THOC1: variants seen among roughly 807,000 people sequenced by gnomAD.
The protein encoded by THOC1 is THO complex 1.
A neutral mutation model predicts 97.3 loss-of-function variants in THOC1; 29 were observed. That is an observed-to-expected ratio of 0.30 (90% confidence interval 0.22 to 0.41). The LOEUF is 0.41. Among genes scored for constraint, THOC1 ranks in the 10% least tolerant of loss-of-function variants. The pLI is 1.00. For synonymous variants in THOC1, 255 were observed against 257.0 expected, an observed-to-expected ratio of 0.99 and a Z score of 0.07; for missense variants, 529 against 761.9, an observed-to-expected ratio of 0.69 and a Z score of 3.60.
intron 9 of THOC1, 81 bp downstream of exon 9, chr18:252,458 A>G: frequency 9.7e-7 from 1 of 1,029,622 alleles, no homozygotes; most frequent in South Asian, 1.4e-5. Context: ...CTCCTTGTCT[A>G]TCTCCTCACT....
chr18:216,187 C>G lies in THOC1; in HGVS notation c.1602+299G>C, dbSNP rs1189266593. Reference sequence around the variant, plus strand: ...CAGGATGGTCTCAATCTCTTGACCTCATGATCCACCCGCCTCGGCCTCCCA... The same window carrying G: ...CAGGATGGTCTCAATCTCTTGACCTGATGATCCACCCGCCTCGGCCTCCCA... On this transcript the variant is annotated intron_variant, in intron 19 of 20. Transcript: ENST00000261600. 4.2e-5 allele frequency: 11 copies of G among 259,618 alleles called. No homozygotes were observed. In the East Asian group the frequency reaches 1.1e-3, roughly 26 times the overall value. 16.1% of individuals were successfully genotyped at this position (259,618 alleles called of 1,614,324 possible). A position where few individuals can be genotyped will look rare whatever the true frequency, so the allele number is the denominator to read the frequency against.
intron 4 of THOC1, 27 bp from the exon 5 acceptor site, chr18:260,331 A>G: frequency 7.1e-7 from 1 of 1,405,078 alleles, no homozygotes; most frequent in East Asian, 2.6e-5. Context: ...AGCCAATTTA[A>G]AAGTTTAAAA....
At chr18:259,658 T>C (rs1191003288) in intron 6 of THOC1, 24 bp downstream of exon 6, 2 of 1,517,386 alleles carry the variant, frequency 1.3e-6, no homozygotes, top group Non-Finnish European at 1.8e-6. Context: ...TAAAAAGCAA[T>C]CATTTTATCA....
At chr18:228,323 C>T (rs1036563529) in intron 11 of THOC1, among the ~76,000 whole-genome samples, 2 of 152,054 alleles carry the variant, frequency 1.3e-5, no homozygotes, top group African/African-American at 2.4e-5. Context: ...TGGATCTTAC[C>T]GAGACTTTAA....
chr18:218,765 TA>T, intron 18 of THOC1, 120 bp downstream of exon 18: 1 of 743,224 alleles, frequency 1.3e-6, no homozygotes, highest in Non-Finnish European at 2.2e-6. Flanking sequence ...TAAACTCACC[TA>T]AGAGAAAAAG....
chr18:216,587 C>G lies in THOC1; in HGVS notation c.1501G>C (p.Ala501Pro). 1.2e-6 allele frequency: 2 copies of G among 1,613,914 alleles called. No individual in the cohort carries two copies. The highest frequency in any genetic ancestry group is 1.7e-6 in the Non-Finnish European group (2 of 1,179,876). ...NYGWRALRLL[A>P]RRSPHFFQPT... ...TGGAAGAAGTGAGGGCTTCTCCGTG[C>G]TAATAGTCTCAGGGCTCTCCAACCA... Residue 501 changes from alanine (A) to proline (P), a missense_variant, in exon 19 of 21, where the codon GCA (alanine) becomes CCA (proline). By Grantham distance (27) the Ala-to-Pro change is conservative. Coordinates refer to ENST00000261600, the MANE Select transcript of THOC1 (RefSeq NM_005131.3).
At chr18:236,508 T>A (rs1403277558) in intron 11 of THOC1, among the ~76,000 whole-genome samples, 4 of 140,062 alleles carry the variant, frequency 2.9e-5, no homozygotes, top group East Asian at 7.2e-4. Context: ...AGGCGCCCGC[T>A]ACCACGCCCG....
intron 11 of THOC1, among the ~76,000 whole-genome samples, chr18:232,791 T>TGAA (rs10690791): frequency 0.21 from 32,072 of 151,938 alleles, 3,534 homozygotes; most frequent in Non-Finnish European, 0.23. Context: ...TTGCTAAGTG[T>TGAA]ATGGTTATCT....
At chr18:223,941 A>G in intron 16 of THOC1, 143 bp downstream of exon 16, 1 of 663,562 alleles carries the variant, frequency 1.5e-6, no homozygotes, top group Non-Finnish European at 2.6e-6. Flanking sequence ...AATGGGCAGT[A>G]TAGACAGTGC....
chr18:239,446 A>G (rs1230977554), intron 11 of THOC1, among the ~76,000 whole-genome samples: 1 of 152,102 alleles, frequency 6.6e-6, no homozygotes, highest in African/African-American at 2.4e-5. Flanking sequence ...CTGGGATCAT[A>G]GGCACCTGCC....
intron 3 of THOC1, 144 bp from the exon 4 acceptor site, chr18:264,236 T>A: frequency 1.6e-6 from 1 of 618,388 alleles, no homozygotes; most frequent in Non-Finnish European, 2.8e-6. Flanking sequence ...TATTTTCTAA[T>A]ATGAAGTTAC....
intron 11 of THOC1, among the ~76,000 whole-genome samples, chr18:240,273 C>T (rs567995499): frequency 3.9e-5 from 6 of 152,336 alleles, no homozygotes; most frequent in East Asian, 1.9e-4. Context: ...ACATCTTCTG[C>T]ACCCTGTCTT....
chr18:246,137 G>T, intron 11 of THOC1, 187 bp downstream of exon 11: 1 of 485,638 alleles, frequency 2.1e-6, no homozygotes. Flanking sequence ...TTTCACCTTT[G>T]AAACCAAATT....
intron 11 of THOC1, chr18:245,456 G>A (rs1268488649): frequency 1.3e-5 from 2 of 152,196 alleles, no homozygotes; most frequent in African/African-American, 4.8e-5. Context: ...TCTGGTCACT[G>A]AGCAAGCAGA....
chr18:224,511 G>A (rs1052627361), intron 15 of THOC1, among the ~76,000 whole-genome samples: 5 of 151,608 alleles, frequency 3.3e-5, no homozygotes, highest in South Asian at 2.1e-4. Context: ...CCCAAGAGGC[G>A]GAGGCTGCGG....
Position 247,926 on chromosome 18 carries a change from T to C in THOC1, c.709A>G (p.Lys237Glu), listed in dbSNP as rs1912147893. The change falls in exon 10 of 21, where the codon AAA (lysine) becomes GAA (glutamate). Residue 237 changes from lysine to glutamate, a missense_variant. Around this residue, in one of 8 missense-constraint regions of THOC1, gnomAD observed 92 missense variants for 127.0 expected, o/e 0.72. Transcript: ENST00000261600. ...SIPIDYNLYR[K>E]FWSLQDYFRN... Reference sequence around the variant, plus strand: ...AAGTAATCCTGAAGTGACCAGAATTTTCGATACAGGTTGTAATCAATTGGA... The same window carrying C: ...AAGTAATCCTGAAGTGACCAGAATTCTCGATACAGGTTGTAATCAATTGGA... The C allele has an allele frequency of 6.2e-7, 1 of 1,606,020 alleles. No individual in the cohort carries two copies. The highest frequency in any genetic ancestry group is 1.3e-5 in the African/African-American group (1 of 74,670).
At chr18:215,232 T>G (rs1910834256) in intron 20 of THOC1, among the ~76,000 whole-genome samples, 197 bp downstream of exon 20, 1 of 152,224 alleles carries the variant, frequency 6.6e-6, no homozygotes, top group Non-Finnish European at 1.5e-5. Context: ...GCACCATTAC[T>G]TCCCAATTTT....
intron 1 of THOC1, among the ~76,000 whole-genome samples, chr18:266,202 A>C (rs956329722): frequency 6.6e-6 from 1 of 152,224 alleles, no homozygotes; most frequent in South Asian, 2.1e-4. Flanking sequence ...TTCTATGAAC[A>C]CTCACATACA....
In THOC1 at chr18:214,745, C is replaced by G. The variant is rs1287348208; in HGVS notation, c.1855G>C (p.Ala619Pro). 6.2e-7 allele frequency: 1 copy of G among 1,613,820 alleles called. No homozygotes were observed. Among genetic ancestry groups the G allele is most frequent in the African/African-American group, 1.3e-5 (1 of 74,892 alleles). ...MKMRAKQLLV[A>P]WQDQEGVHAT... is the part of the protein sequence containing the mutation. Reference sequence around the variant, plus strand: ...TGAACTCCCTCTTGATCTTGCCAGGCAACCAGGAGCTGCTTAGCTCTCATC... The same window carrying G: ...TGAACTCCCTCTTGATCTTGCCAGGGAACCAGGAGCTGCTTAGCTCTCATC... The change falls in exon 21 of 21, where the codon GCC becomes CCC. Residue 619 changes from alanine (A) to proline (P), a missense_variant. Ala to Pro is a conservative substitution (Grantham distance 27). Around this residue, in one of 8 missense-constraint regions of THOC1, gnomAD observed 98 missense variants for 111.9 expected, o/e 0.88. Transcript: ENST00000261600.
Sources: allele counts gnomAD v4.1 joint callset (sites outside exome capture counted in the v4.1 genomes callset), GRCh38; gene constraint gnomAD v4.1.1; regional missense constraint gnomAD v4.1.1; transcripts MANE v1.5; gene names NCBI Gene and HGNC (gene_info 2026-07-23, HGNC 2026-07-21).